Variants in TASOR2 observed in about 807,000 individuals in gnomAD.
TASOR2 encodes transcription activation suppressor family member 2, also known as protein TASOR 2.
In TASOR2, 84 loss-of-function variants were observed where a neutral mutation model predicts 199.5. The ratio of observed to expected loss-of-function variants is 0.42; its 90% CI spans 0.35 to 0.50. The LOEUF (loss-of-function observed/expected upper bound fraction) is 0.50, where lower values mean the gene tolerates loss of function less well. TASOR2 is among the 20% of genes least tolerant of loss of function. The probability of loss-of-function intolerance (pLI) is 0.02; values close to 1 mark genes in which losing one functional copy is unlikely to be tolerated. For synonymous variants in TASOR2, 1,103 were observed against 1,046.6 expected (o/e 1.05, Z -1.04); for missense variants, 2,796 against 2,835.9 (o/e 0.99, Z 0.32).
At chr10:5,761,348 A>G (rs775025477) in exon 19 of TASOR2, 3 of 1,614,036 alleles carry the variant, frequency 1.9e-6, no homozygotes, top group Non-Finnish European at 2.5e-6. Context: ...GAGTGCAAAT[A>G]TCATTGAATT....
At chr10:5,692,829 C>A (rs973633580) in intron 1 of TASOR2, 15 of 152,270 alleles carry the variant, frequency 9.9e-5, no homozygotes, top group Non-Finnish European at 1.3e-4. Context: ...GAGTTCCCCG[C>A]TCTGGCGCAC....
At chr10:5,723,891 A>T in intron 7 of TASOR2, 114 bp downstream of exon 8, 1 of 553,952 alleles carries the variant, frequency 1.8e-6, no homozygotes, top group Non-Finnish European at 3.0e-6. Context: ...GTGACTCTTA[A>T]AAGAGTCTTT....
intron 1 of TASOR2, among the ~76,000 whole-genome samples, chr10:5,703,503 A>ATTTTTTTTTTT (rs371366460): frequency 9.1e-6 from 1 of 110,260 alleles, no homozygotes; most frequent in Non-Finnish European, 1.7e-5. Flanking sequence ...GGTTTTTCTG[A>ATTTTTTTTTTT]TTTTTTTTTT....
Position 5,723,801 on chromosome 10 carries a change from C to A in TASOR2, c.247+24C>A, listed in dbSNP as rs752429574. 2.7e-6 allele frequency: 4 copies of A among 1,481,244 alleles called. No homozygotes were observed. The South Asian group carries it at 3.6e-5, about 13-fold the overall frequency. 91.8% of individuals were successfully genotyped at this position (1,481,244 alleles called of 1,614,324 possible). On this transcript the variant is annotated intron_variant, in intron 7 of 20. Transcript: ENST00000328090. Reference sequence around the variant, plus strand: ...AGGTCTGTTGAAATGTAATAACACGCTACTTGTCCTGGGCTTTGTTCTGGT... The same window carrying A: ...AGGTCTGTTGAAATGTAATAACACGATACTTGTCCTGGGCTTTGTTCTGGT...
At position 5,754,647 on chromosome 10, in the gene TASOR2, G is replaced by T. The variant is rs961968383; in HGVS notation, c.6607-1966G>T. 6.6e-6 allele frequency among the ~76,000 whole-genome samples: 1 copy of T among 152,048 alleles called. No homozygotes were observed. Among genetic ancestry groups the T allele is most frequent in the Non-Finnish European group, 1.5e-5 (1 of 68,000 alleles). On this transcript the variant is annotated intron_variant, in intron 15 of 20. Transcript: ENST00000328090. This position sits in a 1 kb window ranked among gnomAD's most constrained non-coding sequence, Gnocchi z 4.3. ...AGGAGTTCTTCTAGATATCTTGCTT[G>T]TTTCTATAGTGAATGTATTGTTTCA...
At position 5,720,528 on chromosome 10, in the gene TASOR2, A is replaced by T; in HGVS notation, c.-99-16A>T. On this transcript the variant is annotated splice_polypyrimidine_tract_variant and intron_variant, in intron 3 of 20. Coordinates refer to ENST00000328090, the Ensembl canonical transcript of TASOR2. The surrounding 1 kb of genome is among the most constrained non-coding windows in gnomAD (Gnocchi z 5.3). ...CCATAGTGCTACCCTGATAATACTTATTTTTCCTCTTTCAGTATTACTTTT... is the reference window on the plus strand; with the variant it reads ...CCATAGTGCTACCCTGATAATACTTTTTTTTCCTCTTTCAGTATTACTTTT... 1 of 1,569,766 alleles carries T rather than the reference A, an allele frequency of 6.4e-7. No individual in the cohort carries two copies.
chr10:5,715,818 T>C (rs776289523), intron 2 of TASOR2, among the ~76,000 whole-genome samples: 2 of 152,156 alleles, frequency 1.3e-5, no homozygotes, highest in Non-Finnish European at 2.9e-5. Context: ...AATTTTTGTA[T>C]TTTTAGTAGC....
rs1833189239 is a variant in TASOR2 at position 5,720,293 on chromosome 10, A to G, written c.-99-251A>G. 1.0e-6 allele frequency: 1 copy of G among 985,404 alleles called. No homozygotes were observed. Among genetic ancestry groups the G allele is most frequent in the Non-Finnish European group, 1.2e-6 (1 of 829,888 alleles). 61.0% of individuals were successfully genotyped at this position (985,404 alleles called of 1,614,324 possible). A position where few individuals can be genotyped will look rare whatever the true frequency, so the allele number is the denominator to read the frequency against. On this transcript the variant is annotated intron_variant, in intron 3 of 20. Coordinates refer to ENST00000328090, the Ensembl canonical transcript of TASOR2. The surrounding 1 kb of genome is among the most constrained non-coding windows in gnomAD (Gnocchi z 5.3). Reference sequence around the variant, plus strand: ...CAAGTTTGTGTCTGAGAATTATACAACTAACTATACTAAGCCATCTTCTGG... The same window carrying G: ...CAAGTTTGTGTCTGAGAATTATACAGCTAACTATACTAAGCCATCTTCTGG...
exon 19 of TASOR2, chr10:5,761,451 G>A (rs762393771): frequency 6.2e-7 from 1 of 1,612,318 alleles, no homozygotes; most frequent in Non-Finnish European, 8.5e-7. Context: ...ATTGATGCCA[G>A]GTTTGCTGTC....
chr10:5,750,437 C>T lies in TASOR2; in HGVS notation c.6606+410C>T, dbSNP rs965682233. Among the ~76,000 whole-genome samples the T allele has an allele frequency of 6.6e-6, 1 of 152,136 alleles. No individual in the cohort carries two copies. Among genetic ancestry groups the T allele is most frequent in the African/African-American group, 2.4e-5 (1 of 41,412 alleles). Reference sequence around the variant, plus strand: ...AATTTGAATTTGAATGTTAGGATAACTGATGTTACGGTGAGTACATGGAGT... The same window carrying T: ...AATTTGAATTTGAATGTTAGGATAATTGATGTTACGGTGAGTACATGGAGT... On this transcript the variant is annotated intron_variant, in intron 15 of 20. Coordinates refer to ENST00000328090, the Ensembl canonical transcript of TASOR2. This position sits in a 1 kb window ranked among gnomAD's most constrained non-coding sequence, Gnocchi z 5.4.
intron 14 of TASOR2, among the ~76,000 whole-genome samples, chr10:5,745,066 T>C (rs1836990222): frequency 6.6e-6 from 1 of 152,220 alleles, no homozygotes; most frequent in Admixed American, 6.5e-5. Context: ...GTATAATCAG[T>C]TCATTTTATT....
At chr10:5,741,950 A>T in intron 13 of TASOR2, 147 bp from the exon 15 acceptor site, 1 of 690,714 alleles carries the variant, frequency 1.4e-6, no homozygotes, top group South Asian at 1.9e-5. Flanking sequence ...AGTCAACTAC[A>T]TATTTACTCA....
rs1010785536 is a variant in TASOR2, at chr10:5,719,347, G to T, written c.-99-1197G>T. On this transcript the variant is annotated intron_variant, in intron 3 of 20. Transcript: ENST00000328090. This position sits in a 1 kb window ranked among gnomAD's most constrained non-coding sequence, Gnocchi z 4.1. The stretch of plus-strand genomic sequence containing the variant: ...TGGCTTACTTGCTTTTTATTTTTTT[G>T]TTTGTTTGTTTTTTGAGACAGAGTC... 1.1e-4 allele frequency among the ~76,000 whole-genome samples: 16 copies of T among 151,536 alleles called. No homozygotes were observed. The highest frequency in any genetic ancestry group is 3.3e-4 in the Admixed American group (5 of 15,200).
chr10:5,685,146 C>T lies in TASOR2; in HGVS notation c.-317C>T, dbSNP rs1421260919. 5.0e-6 allele frequency: 2 copies of T among 398,090 alleles called. No homozygotes were observed. Among genetic ancestry groups the T allele is most frequent in the East Asian group, 7.1e-5 (2 of 28,056 alleles). The allele number at this position is 398,090 out of a possible 1,614,324, so 24.7% of individuals were successfully genotyped here. On this transcript the variant is annotated 5_prime_UTR_variant, in exon 1 of 21. Transcript: ENST00000328090. The surrounding 1 kb of genome is among the most constrained non-coding windows in gnomAD (Gnocchi z 5.4). ...AGGAGGCCGAGCCGGGATCTCAGGT[C>T]CTCGGGGGCGGCGGCCACGCCAAGG...
chr10:5,761,181 A>G lies in TASOR2; in HGVS notation c.6993-109A>G, dbSNP rs570416129. ...AAGTGTGTCATGAAAAAGAACGTCA[A>G]GAAGAAAGGCAGAGGAACTCATGAG... On this transcript the variant is annotated intron_variant, in intron 18 of 20. Transcript: ENST00000328090. The G allele has an allele frequency of 2.2e-4, 192 of 881,648 alleles. 2 individuals are homozygous for G. The African/African-American group carries it at 3.2e-3, about 15-fold the overall frequency. 54.6% of individuals were successfully genotyped at this position (881,648 alleles called of 1,614,324 possible).
chr10:5,723,653 T>G, intron 6 of TASOR2, 24 bp from the exon 8 acceptor site: 1 of 1,428,722 alleles, frequency 7.0e-7, no homozygotes, highest in Non-Finnish European at 9.5e-7. Context: ...TTATTCTGCT[T>G]GATACTGTTG....
chr10:5,753,469 TCTC>T (rs1838362404), intron 15 of TASOR2, among the ~76,000 whole-genome samples: 2 of 152,264 alleles, frequency 1.3e-5, no homozygotes, highest in East Asian at 3.9e-4. Context: ...TTCACACCAT[TCTC>T]CTGCCTCTGC....
At chr10:5,716,683 G>A (rs1015755906) in intron 2 of TASOR2, among the ~76,000 whole-genome samples, 12 of 151,912 alleles carry the variant, frequency 7.9e-5, no homozygotes, top group Non-Finnish European at 1.0e-4. Context: ...TGGAGGCCAC[G>A]GCAGGTGTAT....
Position 5,735,674 on chromosome 10 carries a change from C to T in TASOR2, c.1447+128C>T. ...ATAATTTTTTCTGTGTTTTTCAGTTCAGACATTAAAAAAACTAAGTAAACT... is the reference window on the plus strand; with the variant it reads ...ATAATTTTTTCTGTGTTTTTCAGTTTAGACATTAAAAAAACTAAGTAAACT... On this transcript the variant is annotated intron_variant, in intron 12 of 20. Transcript: ENST00000328090. The T allele has an allele frequency of 5.8e-6, 7 of 1,215,828 alleles. No homozygotes were observed. In the South Asian group the frequency reaches 1.3e-4, roughly 23 times the overall value. The allele number at this position is 1,215,828 out of a possible 1,614,324, so 75.3% of individuals were successfully genotyped here.
Sources: gnomAD v4.1 joint callset for allele counts (sites outside exome capture counted in the v4.1 genomes callset) on GRCh38, gnomAD v4.1.1 for gene constraint, Gnocchi (gnomAD v3.1) non-coding constraint, MANE v1.5 for transcripts, NCBI Gene and HGNC (gene_info 2026-07-23, HGNC 2026-07-21) for gene names.